The following DCAF1 variants were observed in gnomAD, a reference collection of about 807,000 sequenced individuals.
DCAF1 encodes DDB1 and CUL4 associated factor 1, also known as DDB1- and CUL4-associated factor 1.
Under a neutral mutation model 128.0 loss-of-function variants are expected in DCAF1, and 15 were observed. That is an observed-to-expected ratio of 0.12 (90% CI 0.08 to 0.18). DCAF1 has a LOEUF of 0.18. Ranked by LOEUF, DCAF1 falls within the 10% of genes least tolerant of loss-of-function variation. The pLI, the probability that DCAF1 is intolerant of heterozygous loss-of-function variation, is 1.00. For missense variants in DCAF1, 988 were observed against 1,649.5 expected, an observed-to-expected ratio of 0.60 and a Z score of 6.95; for synonymous variants, 610 against 603.0, an observed-to-expected ratio of 1.01 and a Z score of -0.17.
At chr3:51,504,568 G>T (rs900386362), upstream of DCAF1, among the ~76,000 whole-genome samples, 3 of 152,080 alleles carry the variant, frequency 2.0e-5, no homozygotes, top group Non-Finnish European at 4.4e-5. Flanking sequence ...GGCTGGTCTC[G>T]AACTCCTGAC....
chr3:51,437,432 G>A (rs375330300), intron 9 of DCAF1: 11 of 505,882 alleles, frequency 2.2e-5, no homozygotes, highest in Non-Finnish European at 3.9e-5. Context: ...ATGGAGCAAT[G>A]TAGTTGAATG....
chr3:51,483,762 T>C lies in DCAF1; in HGVS notation c.67A>G (p.Lys23Glu). ...ELTTLLEQWEKEHGSGQDMVP... is the reference protein window; with the variant it reads ...ELTTLLEQWEEEHGSGQDMVP... The stretch of plus-strand genomic sequence containing the variant: ...ATGTCCTGCCCACTGCCATGTTCCT[T>C]TTCCCACTGCTCCAGCAGGGTAGTG... Residue 23 changes from lysine (K) to glutamate (E), a missense_variant, in exon 3 of 25, where the codon AAG becomes GAG. By Grantham distance (56) the Lys-to-Glu change is moderately conservative (BLOSUM62 1). This residue lies in a region of DCAF1 where 48 missense variants were observed against 52.6 expected (regional missense o/e 0.91). Transcript: ENST00000684031. The C allele has an allele frequency of 1.2e-6, 2 of 1,613,860 alleles. No individual in the cohort carries two copies. Among genetic ancestry groups the C allele is most frequent in the Non-Finnish European group, 1.7e-6 (2 of 1,179,872 alleles).
At chr3:51,404,460 G>T (rs1323570977) in intron 23 of DCAF1, among the ~76,000 whole-genome samples, 7 of 152,014 alleles carry the variant, frequency 4.6e-5, no homozygotes, top group South Asian at 2.1e-4. Flanking sequence ...CATTTTGAAG[G>T]TGTTATTGCC....
In DCAF1 at chr3:51,440,690, G is replaced by T. The variant is rs1283859812; in HGVS notation, c.1128+280C>A. Among the ~76,000 whole-genome samples, 5 of 152,180 alleles carry T rather than the reference G, an allele frequency of 3.3e-5. No homozygotes were observed. The South Asian group carries it at 1.0e-3, about 31-fold the overall frequency. On this transcript the variant is annotated intron_variant, in intron 9 of 24. Coordinates refer to ENST00000684031, the MANE Select transcript of DCAF1 (RefSeq NM_001387579.1). ...GGAGGCCAAGGCGGGCAGATCACTT[G>T]AGGTCAGGAGTTTGAGTCCAGCCTG...
At chr3:51,501,805 A>G (rs1426565305), upstream of DCAF1, among the ~76,000 whole-genome samples, 2 of 151,942 alleles carry the variant, frequency 1.3e-5, no homozygotes, top group African/African-American at 4.8e-5. Flanking sequence ...CTGGAACTCT[A>G]CCTCTGTCAG....
At position 51,413,936 on chromosome 3, in the gene DCAF1, A is replaced by G. The variant is rs782674430; in HGVS notation, c.3931+14T>C. 4.6e-6 allele frequency: 7 copies of G among 1,511,500 alleles called. No homozygotes were observed. The highest frequency in any genetic ancestry group is 1.7e-4 in the Middle Eastern group (1 of 5,768). The allele number at this position is 1,511,500 out of a possible 1,614,324, so 93.6% of individuals were successfully genotyped here. A position where few individuals can be genotyped will look rare whatever the true frequency, so the allele number is the denominator to read the frequency against. On this transcript the variant is annotated intron_variant, in intron 20 of 24. Coordinates refer to ENST00000684031, the MANE Select transcript of DCAF1 (RefSeq NM_001387579.1). ...GCAAAAGGAAAGAGAATAATGAAGG[A>G]TAAGGTTTATTACCTCCATACATCA...
At chr3:51,462,745 C>CA (rs10715121) in intron 6 of DCAF1, among the ~76,000 whole-genome samples, 7,764 of 79,056 alleles carry the variant, frequency 0.098, 467 homozygotes, top group Non-Finnish European at 0.14. Context: ...GACACCATCT[C>CA]AAAAAAAAAA....
chr3:51,434,341 G>C (rs1455605796), intron 9 of DCAF1, among the ~76,000 whole-genome samples: 1 of 152,170 alleles, frequency 6.6e-6, no homozygotes, highest in East Asian at 1.9e-4. Flanking sequence ...GTTCAAGGCT[G>C]TAGTGAGCTA....
At chr3:51,439,701 T>A (rs202183387) in intron 9 of DCAF1, among the ~76,000 whole-genome samples, 6 of 152,070 alleles carry the variant, frequency 3.9e-5, no homozygotes, top group South Asian at 2.1e-4. Flanking sequence ...GTTTAAAAAA[T>A]TTTTTTGTGG....
intron 13 of DCAF1, among the ~76,000 whole-genome samples, chr3:51,424,264 G>A (rs1699704158): frequency 6.6e-6 from 1 of 152,028 alleles, no homozygotes; most frequent in South Asian, 2.1e-4. Context: ...GCTGGGCATG[G>A]TAGTGGGCGC....
chr3:51,458,576 TACAG>T (rs1703183167), intron 6 of DCAF1, among the ~76,000 whole-genome samples: 1 of 152,132 alleles, frequency 6.6e-6, no homozygotes, highest in African/African-American at 2.4e-5. Flanking sequence ...AACAGACATC[TACAG>T]AACTCTCTAC....
chr3:51,461,566 A>T (rs542106434), intron 6 of DCAF1, among the ~76,000 whole-genome samples: 1 of 152,278 alleles, frequency 6.6e-6, no homozygotes, highest in African/African-American at 2.4e-5. Context: ...TACTGGGTAT[A>T]TACCCAAAGG....
intron 2 of DCAF1, among the ~76,000 whole-genome samples, chr3:51,489,217 T>A (rs1553656796): frequency 1.3e-5 from 2 of 152,062 alleles, no homozygotes; most frequent in Non-Finnish European, 2.9e-5. Flanking sequence ...ATAGATCACT[T>A]GAGAACAGGA....
chr3:51,405,791 A>G (rs1216168270), intron 23 of DCAF1, among the ~76,000 whole-genome samples: 1 of 152,156 alleles, frequency 6.6e-6, no homozygotes, highest in African/African-American at 2.4e-5. Context: ...GGTGGCATGA[A>G]CCCCTCTCCT....
Position 51,480,882 on chromosome 3 carries a change from C to A in DCAF1, c.110+2837G>T, listed in dbSNP as rs371969186. Among the ~76,000 whole-genome samples, 73 of 152,098 alleles carry A rather than the reference C, an allele frequency of 4.8e-4. 1 individual carries two copies. The Middle Eastern group carries it at 0.01, about 21-fold the overall frequency. On this transcript the variant is annotated intron_variant, in intron 3 of 24. Transcript: ENST00000684031. ...TGTTTCCTCACTAAATTGTAAAATT[C>A]TTGAAAGCACATACTATGTCTTTTT... is the stretch of plus-strand genomic sequence containing the variant.
chr3:51,450,815 A>G (rs1702269824), intron 6 of DCAF1, among the ~76,000 whole-genome samples: 1 of 152,134 alleles, frequency 6.6e-6, no homozygotes, highest in Non-Finnish European at 1.5e-5. Flanking sequence ...TATTAAACAT[A>G]GTACTGGAAG....
intron 24 of DCAF1, among the ~76,000 whole-genome samples, chr3:51,401,212 G>A (rs950694795): frequency 5.9e-5 from 9 of 151,840 alleles, no homozygotes; most frequent in Non-Finnish European, 1.2e-4. Context: ...TGCAATCAGG[G>A]AGTCCCTGCA....
chr3:51,476,372 G>A (rs969917009), intron 3 of DCAF1, among the ~76,000 whole-genome samples: 2 of 151,250 alleles, frequency 1.3e-5, no homozygotes, highest in Non-Finnish European at 2.9e-5. Flanking sequence ...GCCTGGGTGC[G>A]AGTGAGACTC....
At chr3:51,499,252 G>A (rs1708566832) in intron 1 of DCAF1, among the ~76,000 whole-genome samples, 1 of 152,244 alleles carries the variant, frequency 6.6e-6, no homozygotes, top group Admixed American at 6.5e-5. Flanking sequence ...CGGGCACTCT[G>A]AGGTTTGACT....
Sources: gnomAD v4.1 joint callset for allele counts (sites outside exome capture counted in the v4.1 genomes callset) on GRCh38, gnomAD v4.1.1 for gene constraint, gnomAD v4.1.1 regional missense constraint, MANE v1.5 for transcripts, NCBI Gene and HGNC (gene_info 2026-07-23, HGNC 2026-07-21) for gene names.